The following PER3 variants were observed in gnomAD, a reference collection of about 807,000 sequenced individuals.
PER3 encodes period circadian regulator 3, also known as period circadian protein homolog 3.
A neutral mutation model predicts 127.2 loss-of-function variants in PER3; 107 were observed. The ratio of observed to expected loss-of-function variants is 0.84; its 90% CI spans 0.72 to 0.99. The LOEUF (loss-of-function observed/expected upper bound fraction) is 0.99. Ranked by LOEUF, PER3 falls within the 50% of genes least tolerant of loss-of-function variation. The pLI, the probability that PER3 is intolerant of heterozygous loss-of-function variation, is 0.00. For synonymous variants in PER3, 618 were observed against 585.8 expected, an observed-to-expected ratio of 1.05 and a Z score of -0.79; for missense variants, 1,560 against 1,525.8, an observed-to-expected ratio of 1.02 and a Z score of -0.37.
intron 18 of PER3, among the ~76,000 whole-genome samples, chr1:7,829,434 A>G (rs2097318543): frequency 6.6e-6 from 1 of 152,156 alleles, no homozygotes; most frequent in African/African-American, 2.4e-5. Context: ...GCAGCACTTT[A>G]TGACTTCTCT....
chr1:7,821,799 A>G (rs2097277975), intron 16 of PER3, among the ~76,000 whole-genome samples: 1 of 152,238 alleles, frequency 6.6e-6, no homozygotes, highest in South Asian at 2.1e-4. Flanking sequence ...AAAAAGCAGA[A>G]TCAGAGCCCA....
In PER3 at chr1:7,827,658, G is replaced by C. The variant is rs1278399905; in HGVS notation, c.2729G>C (p.Arg910Thr). Residue 910 changes from arginine (R) to threonine (T), a missense_variant, in exon 18 of 22, where the codon AGA (arginine) becomes ACA (threonine). Arg to Thr is a moderately conservative substitution (Grantham distance 71). This residue lies in a region of PER3 where 1,332 missense variants were observed against 1,223.6 expected (regional missense o/e 1.09). Transcript: ENST00000377532. ...DPPPSVTSQRREEEKWEAQSE... is the reference protein window; with the variant it reads ...DPPPSVTSQRTEEEKWEAQSE... ...CCCCCTTCAGTCACCAGCCAAAGGA[G>C]AGAGGAGGAAAAGTGGGAGGCACAA... 3.1e-6 allele frequency: 5 copies of C among 1,614,108 alleles called. No homozygotes were observed. In the South Asian group the frequency reaches 3.3e-5, roughly 11 times the overall value.
At position 7,837,076 on chromosome 1, in the gene PER3, G is replaced by T. The variant is rs199960311; in HGVS notation, c.3476G>T (p.Gly1159Val). The T allele has an allele frequency of 1.1e-4, 183 of 1,613,988 alleles. No homozygotes were observed. The highest frequency in any genetic ancestry group is 1.5e-4 in the Non-Finnish European group (177 of 1,179,910). Reference sequence around the variant, plus strand: ...CAGCAGCAGCCCCAGTTTTCTCATGGGCAAAAGGAGGAGCTGGCTAAGGTG... The same window carrying T: ...CAGCAGCAGCCCCAGTTTTCTCATGTGCAAAAGGAGGAGCTGGCTAAGGTG... ...MRQQQPQFSHGQKEELAKVYN... is the reference protein window; with the variant it reads ...MRQQQPQFSHVQKEELAKVYN... Residue 1159 changes from glycine (G) to valine (V), a missense_variant, in exon 21 of 22, where the codon GGG becomes GTG. Physicochemically the swap from Gly to Val is moderately radical, Grantham distance 109. Around this residue, in one of 3 missense-constraint regions of PER3, gnomAD observed 199 missense variants for 198.6 expected, o/e 1.00. Transcript: ENST00000377532.
intron 19 of PER3, among the ~76,000 whole-genome samples, chr1:7,833,761 T>G (rs913602106): frequency 1.9e-4 from 29 of 152,180 alleles, no homozygotes; most frequent in African/African-American, 7.0e-4. Flanking sequence ...TGGTTAGGTT[T>G]AAGTTAAATC....
intron 16 of PER3, among the ~76,000 whole-genome samples, chr1:7,825,339 T>C (rs2097296605): frequency 6.6e-6 from 1 of 152,200 alleles, no homozygotes; most frequent in South Asian, 2.1e-4. Context: ...TGTACAACTA[T>C]TATATATCAA....
At chr1:7,836,543 G>C (rs1019045639) in intron 20 of PER3, among the ~76,000 whole-genome samples, 1 of 152,156 alleles carries the variant, frequency 6.6e-6, no homozygotes, top group Non-Finnish European at 1.5e-5. Flanking sequence ...TTCCCTTTGA[G>C]AAATGTGTCT....
Position 7,830,115 on chromosome 1 carries a change from G to A in PER3, c.3168G>A (p.Gly1056=), listed in dbSNP as rs750965524. ...SHPTATVLST[G]SPPSESPSRT... ...CTACTGCCACTGTTCTGTCCACGGGGTCACCTCCCAGCGAATCCCCATCCA... is the reference window on the plus strand; with the variant it reads ...CTACTGCCACTGTTCTGTCCACGGGATCACCTCCCAGCGAATCCCCATCCA... The change falls in exon 19 of 22, where the codon GGG becomes GGA. Residue 1056 remains glycine (G), a synonymous_variant. Coordinates refer to ENST00000377532, the MANE Select transcript of PER3 (RefSeq NM_001377275.1). The A allele has an allele frequency of 1.2e-6, 2 of 1,614,042 alleles. No homozygotes were observed. The highest frequency in any genetic ancestry group is 1.3e-5 in the African/African-American group (1 of 74,918).
chr1:7,814,734 C>G (rs2097239027), intron 13 of PER3, among the ~76,000 whole-genome samples: 1 of 152,052 alleles, frequency 6.6e-6, no homozygotes, highest in Non-Finnish European at 1.5e-5. Flanking sequence ...GCAAAACCAG[C>G]AAACTGGATT....
chr1:7,821,509 T>C (rs774616583), intron 16 of PER3, among the ~76,000 whole-genome samples: 1 of 152,252 alleles, frequency 6.6e-6, no homozygotes, highest in Non-Finnish European at 1.5e-5. Context: ...CAGAGGAGCA[T>C]ATGCACATTT....
chr1:7,790,159 G>A (rs1438660942), intron 5 of PER3, among the ~76,000 whole-genome samples: 1 of 152,110 alleles, frequency 6.6e-6, no homozygotes, highest in South Asian at 2.1e-4. Context: ...TGATTACTGC[G>A]ATATTTCCCT....
intron 15 of PER3, 30 bp downstream of exon 15, chr1:7,820,269 C>T (rs573617668): frequency 1.3e-6 from 2 of 1,599,792 alleles, no homozygotes; most frequent in East Asian, 2.2e-5. Flanking sequence ...GAGTTAAATT[C>T]AAAGAACTGT....
chr1:7,820,630 C>T lies in PER3; in HGVS notation c.1947C>T (p.Pro649=), dbSNP rs759742846. Reference sequence around the variant, plus strand: ...GCAGCACCATTGTCCATGTCCCACCCCCAGAGACAGGTACCACACTCGCCT... The same window carrying T: ...GCAGCACCATTGTCCATGTCCCACCTCCAGAGACAGGTACCACACTCGCCT... The part of the protein sequence containing the change: ...GYSSTIVHVP[P]PETARDATLF... The change falls in exon 16 of 22, where the codon CCC becomes CCT. Residue 649 remains proline (P), a synonymous_variant. Transcript: ENST00000377532. 1.2e-6 allele frequency: 2 copies of T among 1,610,064 alleles called. No homozygotes were observed. The highest frequency in any genetic ancestry group is 1.7e-6 in the Non-Finnish European group (2 of 1,178,078).
At chr1:7,788,291 C>G (rs764855256) in intron 5 of PER3, 45 bp downstream of exon 5, 3 of 1,293,022 alleles carry the variant, frequency 2.3e-6, no homozygotes, top group African/African-American at 2.9e-5. Flanking sequence ...TCATCAAGAT[C>G]AGTTTCATTC....
At chr1:7,828,451 A>G (rs1272537691) in intron 18 of PER3, among the ~76,000 whole-genome samples, 10 of 152,230 alleles carry the variant, frequency 6.6e-5, no homozygotes, top group African/African-American at 2.4e-5. Context: ...TGACGTTCCT[A>G]TATTTAGGTA....
rs1383937216 is a variant in PER3, at chr1:7,819,477, A to C, written c.1658+57A>C. 5.4e-6 allele frequency: 8 copies of C among 1,482,630 alleles called. No homozygotes were observed. In the South Asian group the frequency reaches 9.4e-5, roughly 17 times the overall value. The allele number at this position is 1,482,630 out of a possible 1,614,324, so 91.8% of individuals were successfully genotyped here. ...GTCTGTTCCGGAAGCATACACTGCC[A>C]CTGTAGAGACTTCATAGAATTTTTA... On this transcript the variant is annotated intron_variant, in intron 14 of 21. Transcript: ENST00000377532.
At chr1:7,811,985 A>C (rs1038893473) in intron 13 of PER3, among the ~76,000 whole-genome samples, 3 of 152,170 alleles carry the variant, frequency 2.0e-5, no homozygotes, top group Admixed American at 1.3e-4. Flanking sequence ...TCCTCTGCAA[A>C]AGAATTTATC....
Position 7,828,168 on chromosome 1 carries a change from C to T in PER3, c.2886+353C>T, listed in dbSNP as rs574492301. The stretch of plus-strand genomic sequence containing the variant: ...CCTATAACACGTATTTGTTTACTTA[C>T]AACCGGGGTTATGGTCAGGTGAGAT... On this transcript the variant is annotated intron_variant, in intron 18 of 21. Transcript: ENST00000377532. 7.2e-5 allele frequency among the ~76,000 whole-genome samples: 11 copies of T among 152,334 alleles called. No individual in the cohort carries two copies. In the South Asian group the frequency reaches 2.3e-3, roughly 32 times the overall value.
chr1:7,785,727 C>T, intron 3 of PER3, 141 bp downstream of exon 3: 1 of 669,798 alleles, frequency 1.5e-6, no homozygotes. Flanking sequence ...CAAATCTACA[C>T]CGATTCCATT....
At chr1:7,785,132 C>G in intron 2 of PER3, 127 bp downstream of exon 2, 1 of 1,007,354 alleles carries the variant, frequency 9.9e-7, no homozygotes. Flanking sequence ...AGGGGAGACT[C>G]GGGCAATGTA....
Sources: allele counts gnomAD v4.1 joint callset (sites outside exome capture counted in the v4.1 genomes callset), GRCh38; gene constraint gnomAD v4.1.1; regional missense constraint gnomAD v4.1.1; transcripts MANE v1.5; gene names NCBI Gene and HGNC (gene_info 2026-07-23, HGNC 2026-07-21).